Variants in CACNA1C observed in about 807,000 individuals in gnomAD.
CACNA1C encodes the protein voltage-dependent L-type calcium channel subunit alpha-1C.
Under a neutral mutation model 229.0 loss-of-function variants are expected in CACNA1C, and 30 were observed. That is an observed-to-expected ratio of 0.13 (90% confidence interval 0.10 to 0.18). The LOEUF (loss-of-function observed/expected upper bound fraction) is 0.18. Among genes scored for constraint, CACNA1C ranks in the 10% least tolerant of loss-of-function variants. CACNA1C has a pLI of 1.00. For synonymous variants in CACNA1C, 1,114 were observed against 1,132.5 expected (o/e 0.98, Z 0.33); for missense variants, 1,658 against 2,845.0 (o/e 0.58, Z 9.49).
chr12:2,059,656 T>C (rs912041009), intron 1 of CACNA1C, among the ~76,000 whole-genome samples: 2 of 152,178 alleles, frequency 1.3e-5, no homozygotes, highest in African/African-American at 4.8e-5. Context: ...TTGTCAAACA[T>C]AGAATAAATG....
intron 9 of CACNA1C, among the ~76,000 whole-genome samples, chr12:2,534,179 C>G (rs2099847665): frequency 6.6e-6 from 1 of 152,096 alleles, no homozygotes; most frequent in Non-Finnish European, 1.5e-5. Context: ...CAGCAAGCGC[C>G]CTGGATGCAT....
chr12:2,370,769 T>C (rs1329617918), intron 3 of CACNA1C, among the ~76,000 whole-genome samples: 1 of 152,188 alleles, frequency 6.6e-6, no homozygotes, highest in East Asian at 1.9e-4. Flanking sequence ...CTAACTTAAC[T>C]ATTGCATTTA....
intron 3 of CACNA1C, among the ~76,000 whole-genome samples, chr12:2,147,125 G>C (rs2094791042): frequency 6.6e-6 from 1 of 151,334 alleles, no homozygotes; most frequent in African/African-American, 2.4e-5. Flanking sequence ...GGGCTTAAGG[G>C]ATTTCTAGGG....
chr12:2,564,634 CTG>C (rs2049318900), intron 11 of CACNA1C, among the ~76,000 whole-genome samples: 1 of 152,302 alleles, frequency 6.6e-6, no homozygotes, highest in East Asian at 1.9e-4. Context: ...TGGCCCTCCT[CTG>C]TGCTGCCCTC....
intron 3 of CACNA1C, among the ~76,000 whole-genome samples, chr12:2,128,050 G>A (rs967962191): frequency 1.3e-5 from 2 of 152,198 alleles, no homozygotes; most frequent in African/African-American, 2.4e-5. Context: ...ACTGGCACAC[G>A]TAAGGCTCTC....
chr12:2,204,709 T>G (rs10848630), intron 3 of CACNA1C, among the ~76,000 whole-genome samples: 41,939 of 137,362 alleles, frequency 0.31, 6,786 homozygotes, highest in Non-Finnish European at 0.35. Context: ...AACTAAACAC[T>G]GCATATTCTC....
chr12:2,171,161 G>A (rs188142260), intron 3 of CACNA1C, among the ~76,000 whole-genome samples: 1 of 152,338 alleles, frequency 6.6e-6, no homozygotes, highest in East Asian at 1.9e-4. Context: ...TGAAGGCCAG[G>A]GAAGGGCAGG....
intron 1 of CACNA1C, among the ~76,000 whole-genome samples, chr12:2,044,535 AG>A (rs1275389424): frequency 1.3e-5 from 2 of 152,222 alleles, no homozygotes; most frequent in Non-Finnish European, 2.9e-5. Flanking sequence ...GAACTAGCCA[AG>A]TGTTAATTAG....
At chr12:2,490,038 A>G (rs775222401) in intron 6 of CACNA1C, among the ~76,000 whole-genome samples, 14 of 152,210 alleles carry the variant, frequency 9.2e-5, no homozygotes, top group Non-Finnish European at 1.9e-4. Context: ...CATTTTTTCA[A>G]GTGTTCGCTT....
chr12:2,553,228 T>C (rs2042279515), intron 10 of CACNA1C, among the ~76,000 whole-genome samples: 1 of 152,108 alleles, frequency 6.6e-6, no homozygotes, highest in South Asian at 2.1e-4. Flanking sequence ...CTGCAGAGGC[T>C]GGGGTGGGGG....
chr12:2,512,214 C>G lies in CACNA1C; in HGVS notation c.1218-598C>G, dbSNP rs576133850. On this transcript the variant is annotated intron_variant, in intron 8 of 46. Coordinates refer to ENST00000399655, the MANE Select transcript of CACNA1C (RefSeq NM_000719.7). The surrounding 1 kb of genome is among the most constrained non-coding windows in gnomAD (Gnocchi z 4.3). Reference sequence around the variant, plus strand: ...CCTGGTTTTCAGCATTTGCCAGTTACCATGGTGTAAATATTCCCACTGTGG... The same window carrying G: ...CCTGGTTTTCAGCATTTGCCAGTTAGCATGGTGTAAATATTCCCACTGTGG... 6.6e-6 allele frequency among the ~76,000 whole-genome samples: 1 copy of G among 152,232 alleles called. No homozygotes were observed. Among genetic ancestry groups the G allele is most frequent in the African/African-American group, 2.4e-5 (1 of 41,546 alleles).
Position 2,666,768 on chromosome 12 carries a change from C to A in CACNA1C, c.4609C>A (p.Arg1537Ser). The change falls in exon 37 of 47, where the codon CGC (arginine) becomes AGC (serine). Residue 1537 changes from arginine to serine, a missense_variant. Physicochemically the swap from Arg to Ser is moderately radical, Grantham distance 110. Transcript: ENST00000399655. The surrounding 1 kb of genome is among the most constrained non-coding windows in gnomAD (Gnocchi z 5.3). ...AGGTTTTGGGAAGCTGTGCCCTCAC[C>A]GCGTGGCTTGCAAAGTAAGAGATAA... ...PLGFGKLCPH[R>S]VACKRLVSMN... 1 of 1,600,924 alleles carries A rather than the reference C, an allele frequency of 6.2e-7. No homozygotes were observed. The highest frequency in any genetic ancestry group is 1.1e-5 in the South Asian group (1 of 88,494).
chr12:1,988,535 T>C (rs1474094301), intron 1 of CACNA1C, among the ~76,000 whole-genome samples: 1 of 152,230 alleles, frequency 6.6e-6, no homozygotes, highest in Non-Finnish European at 1.5e-5. Flanking sequence ...CTCATGTTTG[T>C]GAACAATAAA....
intron 3 of CACNA1C, among the ~76,000 whole-genome samples, chr12:2,300,610 G>A (rs2154472961): frequency 6.6e-6 from 1 of 152,304 alleles, no homozygotes; most frequent in South Asian, 2.1e-4. Context: ...TGGTGACAGA[G>A]TGAGACCTTC....
At chr12:2,069,482 A>G (rs1377670787) in intron 1 of CACNA1C, among the ~76,000 whole-genome samples, 1 of 152,166 alleles carries the variant, frequency 6.6e-6, no homozygotes, top group Non-Finnish European at 1.5e-5. Flanking sequence ...AGAGGAGGAG[A>G]GAGCAGTGTG....
chr12:2,053,057 G>T lies in CACNA1C; in HGVS notation c.-506G>T. 1 of 983,620 alleles carries T rather than the reference G, an allele frequency of 1.0e-6. No homozygotes were observed. Among genetic ancestry groups the T allele is most frequent in the Non-Finnish European group, 1.2e-6 (1 of 828,928 alleles). The allele number at this position is 983,620 out of a possible 1,614,324, so 60.9% of individuals were successfully genotyped here. On this transcript the variant is annotated 5_prime_UTR_variant, in exon 1 of 47. Coordinates refer to ENST00000399655, the MANE Select transcript of CACNA1C (RefSeq NM_000719.7). The surrounding 1 kb of genome is among the most constrained non-coding windows in gnomAD (Gnocchi z 5.8). ...CGCTCGGCGCGGCGCGGCGGGCCCG[G>T]AGCGGCGGCGGCGGCTCTTCCTGCC...
intron 3 of CACNA1C, among the ~76,000 whole-genome samples, chr12:2,226,204 T>C (rs2062981482): frequency 6.6e-6 from 1 of 150,978 alleles, no homozygotes; most frequent in Non-Finnish European, 1.5e-5. Context: ...GTAAAACCTG[T>C]CAGGAAATTA....
chr12:2,655,394 C>T (rs1029967918), intron 34 of CACNA1C, among the ~76,000 whole-genome samples, 156 bp downstream of exon 34: 1 of 152,142 alleles, frequency 6.6e-6, no homozygotes, highest in African/African-American at 2.4e-5. Flanking sequence ...CCAGTGGGTC[C>T]ATTGTCATTT....
rs1454403229 is a variant in CACNA1C at position 2,177,628 on chromosome 12, C to CCT, written c.477+57198_477+57199insCT. On this transcript the variant is annotated intron_variant, in intron 3 of 46. Coordinates refer to ENST00000399655, the MANE Select transcript of CACNA1C (RefSeq NM_000719.7). ...TCCTTCCTTCCTTCCTTCCTTCCTT[C>CCT]TCTCTCTCTTTCTTTCTTTCTTTCT... Among the ~76,000 whole-genome samples, 697 of 106,352 alleles carry CCT rather than the reference C, an allele frequency of 6.6e-3. 26 individuals are homozygous for CCT. The highest frequency in any genetic ancestry group is 2.4e-3 in the Non-Finnish European group (128 of 53,816). The allele number at this position is 106,352 out of a possible 152,430, so 69.8% of individuals were successfully genotyped here.
Sources: gnomAD v4.1 joint callset for allele counts (sites outside exome capture counted in the v4.1 genomes callset) on GRCh38, gnomAD v4.1.1 for gene constraint, Gnocchi (gnomAD v3.1) non-coding constraint, MANE v1.5 for transcripts, NCBI Gene and HGNC (gene_info 2026-07-23, HGNC 2026-07-21) for gene names.